MIIP: variants seen among roughly 807,000 people sequenced by gnomAD.
MIIP encodes the protein migration and invasion-inhibitory protein.
Under a neutral mutation model 44.8 loss-of-function variants are expected in MIIP, and 44 were observed. The observed-to-expected ratio is 0.98, with a 90% CI of 0.77 to 1.26. The LOEUF (loss-of-function observed/expected upper bound fraction) is 1.26. Among genes scored for constraint, MIIP ranks in the 50% most tolerant of loss-of-function variants. The pLI, the probability that MIIP is intolerant of heterozygous loss-of-function variation, is 0.00. For missense variants in MIIP, 496 were observed against 511.7 expected (o/e 0.97, Z 0.30); for synonymous variants, 225 against 218.3 (o/e 1.03, Z -0.27).
At chr1:12,031,460 C>A in intron 9 of MIIP, 57 bp downstream of exon 9, 1 of 1,586,168 alleles carries the variant, frequency 6.3e-7, no homozygotes, top group Middle Eastern at 1.7e-4. Flanking sequence ...AGAGACCTCG[C>A]AGCAGGCCTG....
chr1:12,031,072 A>G, intron 8 of MIIP, 194 bp from the exon 9 acceptor site: 2 of 643,518 alleles, frequency 3.1e-6, no homozygotes, highest in Non-Finnish European at 2.7e-6. Context: ...TTCAGCTCTC[A>G]GGGCCCCAGG....
chr1:12,026,893 C>T (rs914912856), intron 4 of MIIP, among the ~76,000 whole-genome samples: 2 of 152,198 alleles, frequency 1.3e-5, no homozygotes, highest in South Asian at 2.1e-4. Flanking sequence ...TACCTTTAGC[C>T]CACATTTGCT....
intron 6 of MIIP, 43 bp downstream of exon 6, chr1:12,029,324 C>G: frequency 6.3e-7 from 1 of 1,584,576 alleles, no homozygotes; most frequent in Non-Finnish European, 8.6e-7. Flanking sequence ...AGTCCAGCCT[C>G]GCGCTGCCCT....
At chr1:12,025,699 C>T (rs759814450) in intron 4 of MIIP, among the ~76,000 whole-genome samples, 15 of 152,280 alleles carry the variant, frequency 9.9e-5, no homozygotes, top group East Asian at 1.9e-4. Context: ...CTTCCAGCCT[C>T]GCGGCCTCCT....
At chr1:12,026,842 A>G (rs1218514333) in intron 4 of MIIP, among the ~76,000 whole-genome samples, 1 of 152,194 alleles carries the variant, frequency 6.6e-6, no homozygotes, top group Non-Finnish European at 1.5e-5. Flanking sequence ...CAGTCGGGGT[A>G]AAGCCGCTGT....
intron 4 of MIIP, chr1:12,024,057 A>G (rs890628982): frequency 6.6e-6 from 1 of 152,126 alleles, no homozygotes; most frequent in Non-Finnish European, 1.5e-5. Context: ...AAAGAGTAGA[A>G]CAAAGAGTTT....
At position 12,030,080 on chromosome 1, in the gene MIIP, C is replaced by T. The variant is rs541833150; in HGVS notation, c.898C>T (p.Arg300Trp). ...LEPPHRYHIH[R>W]RKSFDASDTL... is the part of the protein sequence containing the mutation. The stretch of plus-strand genomic sequence containing the variant: ...GCCCCCGCACCGGTACCACATCCAC[C>T]GGCGAAAGAGCTTTGACGCCTCTGA... The change falls in exon 8 of 10, where the codon CGG (arginine) becomes TGG (tryptophan). Residue 300 changes from arginine (R) to tryptophan (W), a missense_variant. Coordinates refer to ENST00000235332, the MANE Select transcript of MIIP (RefSeq NM_021933.4). 3.3e-5 allele frequency: 53 copies of T among 1,613,444 alleles called. No homozygotes were observed. The Middle Eastern group carries it at 5.1e-4, about 16-fold the overall frequency.
rs777956456 is a variant in MIIP, at chr1:12,029,825, C to A, written c.776C>A (p.Pro259His). ...CCGGTGCCTGTGGATCCCGGTACCCCCTGCCGCCTGTGCAGGACACCGCGA... is the reference window on the plus strand; with the variant it reads ...CCGGTGCCTGTGGATCCCGGTACCCACTGCCGCCTGTGCAGGACACCGCGA... ...LFPVPVDPGT[P>H]CRLCRTPRDQ... is the part of the protein sequence containing the mutation. Residue 259 changes from proline to histidine, a missense_variant, in exon 7 of 10, where the codon CCC becomes CAC. Coordinates refer to ENST00000235332, the MANE Select transcript of MIIP (RefSeq NM_021933.4). The A allele has an allele frequency of 1.9e-6, 3 of 1,613,172 alleles. No individual in the cohort carries two copies. The highest frequency in any genetic ancestry group is 2.5e-6 in the Non-Finnish European group (3 of 1,179,658).
At position 12,019,551 on chromosome 1, in the gene MIIP, G is replaced by C. The variant is rs1267292490; in HGVS notation, c.-84G>C. 6.5e-6 allele frequency: 1 copy of C among 152,710 alleles called. No individual in the cohort carries two copies. Among genetic ancestry groups the C allele is most frequent in the African/African-American group, 2.4e-5 (1 of 41,474 alleles). 9.5% of individuals were successfully genotyped at this position (152,710 alleles called of 1,614,324 possible). ...GCGGCGCATGCTAGGGGATTCTGCC[G>C]GGTGAGTGCTGGGCGGCAGGACTGG... On this transcript the variant is annotated splice_region_variant and 5_prime_UTR_variant, in exon 1 of 10. Coordinates refer to ENST00000235332, the MANE Select transcript of MIIP (RefSeq NM_021933.4).
At chr1:12,025,599 C>T (rs188385411) in intron 4 of MIIP, among the ~76,000 whole-genome samples, 2 of 152,306 alleles carry the variant, frequency 1.3e-5, no homozygotes, top group East Asian at 1.9e-4. Flanking sequence ...GGGCTTTTCC[C>T]AGCACTTACT....
chr1:12,030,002 G>T, intron 7 of MIIP, 26 bp from the exon 8 acceptor site: 1 of 1,612,054 alleles, frequency 6.2e-7, no homozygotes. Context: ...GGCTCCTCAG[G>T]GGTCCCCCAC....
intron 3 of MIIP, 113 bp downstream of exon 3, chr1:12,022,555 G>A: frequency 1.1e-6 from 1 of 922,878 alleles, no homozygotes. Flanking sequence ...AGAGGCTCCT[G>A]GGAGATACTG....
chr1:12,025,040 G>GTTTTTTTTTTTTTTT (rs1640074638), intron 4 of MIIP, among the ~76,000 whole-genome samples: 1 of 138,848 alleles, frequency 7.2e-6, no homozygotes, highest in Non-Finnish European at 1.5e-5. Context: ...TTTTTTTTTT[G>GTTTTTTTTTTTTTTT]TTTTTTGTTT....
At chr1:12,020,885 C>T (rs1159445188) in intron 1 of MIIP, among the ~76,000 whole-genome samples, 1 of 152,016 alleles carries the variant, frequency 6.6e-6, no homozygotes, top group Non-Finnish European at 1.5e-5. Context: ...GGTCTCTCGC[C>T]ACGTTGGCTA....
chr1:12,031,229 C>G, intron 8 of MIIP, 37 bp from the exon 9 acceptor site: 1 of 1,597,360 alleles, frequency 6.3e-7, no homozygotes, highest in Non-Finnish European at 8.5e-7. Context: ...GGGAGCTTGT[C>G]CCAGGTCAGG....
intron 1 of MIIP, among the ~76,000 whole-genome samples, 193 bp from the exon 2 acceptor site, chr1:12,021,452 C>T (rs1299209233): frequency 6.6e-6 from 1 of 152,034 alleles, no homozygotes; most frequent in Admixed American, 6.6e-5. Context: ...GTTGTCCAGG[C>T]TTAACATGCT....
At position 12,031,009 on chromosome 1, in the gene MIIP, A is replaced by G. The variant is rs1388400297; in HGVS notation, c.943-257A>G. ...ATCCATGCAGGTGCTTGGAGAGCCT[A>G]CAGCAGGAAGTACCCTGTGAATGTC... On this transcript the variant is annotated intron_variant, in intron 8 of 9. Transcript: ENST00000235332. 3 of 479,940 alleles carry G rather than the reference A, an allele frequency of 6.3e-6. No individual in the cohort carries two copies. In the East Asian group the frequency reaches 1.1e-4, roughly 17 times the overall value. The allele number at this position is 479,940 out of a possible 1,614,324, so 29.7% of individuals were successfully genotyped here.
Position 12,021,342 on chromosome 1 carries a change from C to T in MIIP, c.-82-303C>T, listed in dbSNP as rs188402700. 1.2e-3 allele frequency among the ~76,000 whole-genome samples: 173 copies of T among 149,954 alleles called. 1 individual carries two copies. The highest frequency in any genetic ancestry group is 4.0e-3 in the African/African-American group (164 of 40,750). On this transcript the variant is annotated intron_variant, in intron 1 of 9. Transcript: ENST00000235332. Reference sequence around the variant, plus strand: ...CCGGGAGGCGGAGCTTGCAGTGAGCCGAGATTGCGCCACTGCACTCCAGCC... The same window carrying T: ...CCGGGAGGCGGAGCTTGCAGTGAGCTGAGATTGCGCCACTGCACTCCAGCC...
chr1:12,030,356 A>G (rs1406476411), intron 8 of MIIP, among the ~76,000 whole-genome samples: 2 of 151,972 alleles, frequency 1.3e-5, no homozygotes, highest in Admixed American at 6.6e-5. Context: ...CTGGCATGAC[A>G]TGAATGGGTC....
Sources: gnomAD v4.1 joint callset for allele counts (sites outside exome capture counted in the v4.1 genomes callset) on GRCh38, gnomAD v4.1.1 for gene constraint, MANE v1.5 for transcripts, NCBI Gene and HGNC (gene_info 2026-07-23, HGNC 2026-07-21) for gene names.